KIAA1328: variants seen among roughly 807,000 people sequenced by gnomAD.
The protein encoded by KIAA1328 is protein hinderin.
Under a neutral mutation model 68.1 loss-of-function variants are expected in KIAA1328, and 52 were observed. That is an observed-to-expected ratio of 0.76 (90% confidence interval 0.61 to 0.96). The LOEUF is 0.96. Among genes scored for constraint, KIAA1328 ranks in the 40% least tolerant of loss-of-function variants. The probability of loss-of-function intolerance (pLI) is 0.00; values close to 1 mark genes in which losing one functional copy is unlikely to be tolerated. For missense variants in KIAA1328, 641 were observed against 677.6 expected, an observed-to-expected ratio of 0.95 and a Z score of 0.60; for synonymous variants, 232 against 239.4, an observed-to-expected ratio of 0.97 and a Z score of 0.28.
At chr18:36,926,232 C>T (rs1184886032) in intron 5 of KIAA1328, among the ~76,000 whole-genome samples, 1 of 151,998 alleles carries the variant, frequency 6.6e-6, no homozygotes, top group South Asian at 2.1e-4. Context: ...ATTCTTATTT[C>T]TACATACCTG....
chr18:37,165,908 G>T (rs1294782066), intron 8 of KIAA1328, among the ~76,000 whole-genome samples: 1 of 152,018 alleles, frequency 6.6e-6, no homozygotes, highest in African/African-American at 2.4e-5. Flanking sequence ...CTAGTTTGCT[G>T]AAAGTCTTTG....
At chr18:36,885,723 C>CTTT in intron 5 of KIAA1328, 51 bp downstream of exon 5, 11 of 986,426 alleles carry the variant, frequency 1.1e-5, no homozygotes, top group Admixed American at 5.9e-5. Flanking sequence ...TTGACTATTT[C>CTTT]TTTTTTTTTT....
At chr18:36,874,695 A>G (rs900762358) in intron 4 of KIAA1328, among the ~76,000 whole-genome samples, 2 of 152,142 alleles carry the variant, frequency 1.3e-5, no homozygotes, top group Non-Finnish European at 1.5e-5. Flanking sequence ...ATTAGAACCC[A>G]TTTGTAAATT....
At chr18:36,985,686 T>C (rs1056156349) in intron 6 of KIAA1328, among the ~76,000 whole-genome samples, 4 of 152,140 alleles carry the variant, frequency 2.6e-5, no homozygotes, top group African/African-American at 9.7e-5. Context: ...TGTGGCTCCA[T>C]ATACCCCGGT....
At chr18:36,864,097 T>C (rs1031183517) in intron 4 of KIAA1328, among the ~76,000 whole-genome samples, 18 of 152,170 alleles carry the variant, frequency 1.2e-4, no homozygotes, top group African/African-American at 4.3e-4. Context: ...TGATTTTAGG[T>C]GGAAGGCATT....
At chr18:37,187,187 G>A (rs190246541) in intron 9 of KIAA1328, among the ~76,000 whole-genome samples, 178 of 151,964 alleles carry the variant, frequency 1.2e-3, no homozygotes, top group African/African-American at 3.9e-3. Context: ...GTTTATTATC[G>A]TGTTGCTTGG....
intron 6 of KIAA1328, among the ~76,000 whole-genome samples, chr18:36,963,505 C>T (rs983950075): frequency 2.6e-5 from 4 of 152,166 alleles, no homozygotes; most frequent in Non-Finnish European, 2.9e-5. Flanking sequence ...GTGGAAAAGA[C>T]TCTTTTTCTA....
intron 6 of KIAA1328, among the ~76,000 whole-genome samples, chr18:36,975,396 A>C (rs1021482779): frequency 8.6e-5 from 13 of 151,890 alleles, no homozygotes; most frequent in Admixed American, 3.3e-4. Context: ...TTTAGCTGGG[A>C]TGGTCTCGAT....
chr18:37,221,115 C>T (rs1381872732), intron 9 of KIAA1328, among the ~76,000 whole-genome samples: 1 of 152,184 alleles, frequency 6.6e-6, no homozygotes, highest in African/African-American at 2.4e-5. Context: ...GCATGAACCA[C>T]CTCACCCGGC....
At chr18:37,217,532 G>A (rs1599625447) in intron 9 of KIAA1328, among the ~76,000 whole-genome samples, 1 of 152,192 alleles carries the variant, frequency 6.6e-6, no homozygotes. Flanking sequence ...TCTGCCGAGA[G>A]ATCAGCTGTT....
intron 4 of KIAA1328, among the ~76,000 whole-genome samples, chr18:36,872,045 C>T (rs866253465): frequency 6.6e-6 from 1 of 152,116 alleles, no homozygotes; most frequent in Non-Finnish European, 1.5e-5. Context: ...AAACAAAGTT[C>T]CTGGGTCCTT....
chr18:37,105,070 G>T (rs1458019896), intron 7 of KIAA1328, among the ~76,000 whole-genome samples: 1 of 152,176 alleles, frequency 6.6e-6, no homozygotes, highest in African/African-American at 2.4e-5. Context: ...CGGGCAAAAA[G>T]AGAAAATTCT....
intron 6 of KIAA1328, among the ~76,000 whole-genome samples, chr18:36,966,635 G>A (rs995223071): frequency 6.6e-6 from 1 of 152,228 alleles, no homozygotes; most frequent in East Asian, 1.9e-4. Context: ...AGTTCAGCGA[G>A]GATACAGGAT....
At chr18:37,047,637 A>C (rs1386264959) in intron 6 of KIAA1328, among the ~76,000 whole-genome samples, 1 of 152,194 alleles carries the variant, frequency 6.6e-6, no homozygotes, top group Non-Finnish European at 1.5e-5. Flanking sequence ...TTGTCTTCCA[A>C]AATTTCGCAT....
At chr18:37,135,436 A>G (rs184408044) in intron 7 of KIAA1328, among the ~76,000 whole-genome samples, 1 of 152,050 alleles carries the variant, frequency 6.6e-6, no homozygotes, top group Admixed American at 6.6e-5. Flanking sequence ...TTTGATTTGC[A>G]TTTCTCTGAT....
intron 6 of KIAA1328, among the ~76,000 whole-genome samples, chr18:37,021,543 A>G (rs1264443706): frequency 3.3e-5 from 5 of 152,136 alleles, no homozygotes; most frequent in African/African-American, 7.2e-5. Flanking sequence ...CACAGCTTCT[A>G]TGAATTATTT....
intron 9 of KIAA1328, among the ~76,000 whole-genome samples, chr18:37,194,599 AT>A (rs1039382776): frequency 6.6e-6 from 1 of 152,066 alleles, no homozygotes; most frequent in Non-Finnish European, 1.5e-5. Flanking sequence ...TTATAGATTT[AT>A]CTTTAATTAT....
chr18:37,207,661 T>C (rs2060240662), intron 9 of KIAA1328, among the ~76,000 whole-genome samples: 1 of 152,162 alleles, frequency 6.6e-6, no homozygotes, highest in Non-Finnish European at 1.5e-5. Context: ...AAATGTTCTT[T>C]TGGTGAGGAA....
Position 37,049,278 on chromosome 18 carries a change from A to G in KIAA1328, c.577-17612A>G, listed in dbSNP as rs553412745. Among the ~76,000 whole-genome samples, 6 of 152,346 alleles carry G rather than the reference A, an allele frequency of 3.9e-5. No homozygotes were observed. In the South Asian group the frequency reaches 1.2e-3, roughly 32 times the overall value. On this transcript the variant is annotated intron_variant, in intron 6 of 9. Coordinates refer to ENST00000280020, the MANE Select transcript of KIAA1328 (RefSeq NM_020776.3). ...ATGCTCTTGCGGTGCCTGGGAAGGC[A>G]CAACTAGTCTGAACTGGGGACATAG...
Sources: allele counts gnomAD v4.1 joint callset (sites outside exome capture counted in the v4.1 genomes callset), GRCh38; gene constraint gnomAD v4.1.1; transcripts MANE v1.5; gene names NCBI Gene and HGNC (gene_info 2026-07-23, HGNC 2026-07-21).